Variants in LRRC71 observed in about 807,000 individuals in gnomAD.
LRRC71 encodes the protein leucine rich repeat containing 71, also known as leucine-rich repeat-containing protein 71.
A neutral mutation model predicts 66.6 loss-of-function variants in LRRC71; 54 were observed. The observed-to-expected ratio is 0.81, with a 90% CI of 0.65 to 1.02. LRRC71 has a LOEUF of 1.02. Among genes scored for constraint, LRRC71 ranks in the 50% least tolerant of loss-of-function variants. The pLI is 0.00. For missense variants in LRRC71, 724 were observed against 718.0 expected (o/e 1.01, Z -0.10); for synonymous variants, 323 against 303.9 (o/e 1.06, Z -0.65).
chr1:156,924,357 C>A, intron 2 of LRRC71, 67 bp from the exon 3 acceptor site: 1 of 1,517,942 alleles, frequency 6.6e-7, no homozygotes, highest in Non-Finnish European at 8.8e-7. Flanking sequence ...CCCGGGCACC[C>A]GTGGGCCGGC....
chr1:156,931,435 T>C (rs1197028423), intron 12 of LRRC71, among the ~76,000 whole-genome samples: 2 of 152,240 alleles, frequency 1.3e-5, no homozygotes, highest in Non-Finnish European at 2.9e-5. Context: ...CTGATTGTAC[T>C]AGGACTACTG....
rs868131951 is a variant in LRRC71, at chr1:156,932,955, G to A, written c.1666G>A (p.Ala556Thr). Residue 556 changes from alanine (A) to threonine (T), a missense_variant, in exon 15 of 15, where the codon GCA (alanine) becomes ACA (threonine). Coordinates refer to ENST00000337428, the MANE Select transcript of LRRC71 (RefSeq NM_144702.3). ...KAKLREDEAMAFFP is the reference protein window; with the variant it reads ...KAKLREDEAMTFFP ...CAAACTCAGGGAGGATGAGGCCATG[G>A]CATTCTTCCCCTAGCCCCCTCCCAC... is the stretch of plus-strand genomic sequence containing the variant. 3.2e-6 allele frequency: 5 copies of A among 1,573,638 alleles called. No homozygotes were observed. Among genetic ancestry groups the A allele is most frequent in the Non-Finnish European group, 4.3e-6 (5 of 1,159,058 alleles).
At chr1:156,931,421 G>C (rs145437953) in intron 12 of LRRC71, among the ~76,000 whole-genome samples, 1 of 152,266 alleles carries the variant, frequency 6.6e-6, no homozygotes, top group African/African-American at 2.4e-5. Context: ...TCTTGATCAG[G>C]CTGCTGATTG....
intron 9 of LRRC71, among the ~76,000 whole-genome samples, chr1:156,928,363 C>CTCTTCTTCTTCCTCTTCTTCTTCTTCT (rs1653598560): frequency 2.0e-5 from 2 of 98,784 alleles, no homozygotes; most frequent in Admixed American, 1.1e-4. Context: ...CTTCTTCTTC[C>CTCTTCTTCTTCCTCTTCTTCTTCTTCT]TCTTCTTCTT....
the LRRC71 span, among the ~76,000 whole-genome samples, chr1:156,940,939 A>G: frequency 2.6e-5 from 4 of 152,196 alleles, no homozygotes; most frequent in Non-Finnish European, 5.9e-5. Flanking sequence ...CTCAATGAGA[A>G]TGCTGTCCCC....
At chr1:156,924,795 G>A in intron 4 of LRRC71, 77 bp downstream of exon 4, 2 of 1,521,940 alleles carry the variant, frequency 1.3e-6, no homozygotes, top group Non-Finnish European at 1.8e-6. Flanking sequence ...AGAGAACCAA[G>A]GGGCATGGGA....
intron 1 of LRRC71, among the ~76,000 whole-genome samples, chr1:156,921,350 T>C (rs1211554340): frequency 6.6e-6 from 1 of 152,138 alleles, no homozygotes; most frequent in Non-Finnish European, 1.5e-5. Context: ...CCTGCCCCCA[T>C]GGGGTTTACA....
intron 1 of LRRC71, 62 bp from the exon 2 acceptor site, chr1:156,923,887 A>C (rs1188282819): frequency 4.3e-6 from 6 of 1,407,266 alleles, no homozygotes; most frequent in Admixed American, 3.3e-5. Context: ...CCCGCGCGGG[A>C]GAGCTTGGGG....
At chr1:156,924,136 C>G in intron 2 of LRRC71, 38 bp downstream of exon 2, 1 of 1,544,100 alleles carries the variant, frequency 6.5e-7, no homozygotes, top group Non-Finnish European at 8.7e-7. Flanking sequence ...CTGCCAGGGC[C>G]GCCTAGTCCA....
the LRRC71 span, among the ~76,000 whole-genome samples, chr1:156,940,983 G>A: frequency 9.2e-5 from 14 of 152,260 alleles, no homozygotes; most frequent in African/African-American, 3.4e-4. Context: ...TGCATCTTAA[G>A]CCCTTTGAGC....
In LRRC71 at chr1:156,927,659, A is replaced by G; in HGVS notation, c.822+4A>G. 1.2e-6 allele frequency: 2 copies of G among 1,607,122 alleles called. No individual in the cohort carries two copies. The highest frequency in any genetic ancestry group is 2.2e-5 in the South Asian group (2 of 90,716). ...GGGCGCAGGCTACATCGCGGACGTGAGTGCACGGCGGGGAGGGACCTGCTG... is the reference window on the plus strand; with the variant it reads ...GGGCGCAGGCTACATCGCGGACGTGGGTGCACGGCGGGGAGGGACCTGCTG... On this transcript the variant is annotated splice_donor_region_variant and intron_variant, in intron 7 of 14. Coordinates refer to ENST00000337428, the MANE Select transcript of LRRC71 (RefSeq NM_144702.3).
At chr1:156,929,518 C>T in intron 10 of LRRC71, 89 bp downstream of exon 10, 1 of 1,577,694 alleles carries the variant, frequency 6.3e-7, no homozygotes, top group South Asian at 1.2e-5. Flanking sequence ...GGAAGAAGGC[C>T]ACATGGGCCT....
rs1386243032 is a variant in LRRC71 at position 156,924,682 on chromosome 1, A to G, written c.479A>G (p.Lys160Arg). The change falls in exon 4 of 15, where the codon AAA becomes AGA. Residue 160 changes from lysine to arginine, a missense_variant. By Grantham distance (26) the Lys-to-Arg change is conservative. Coordinates refer to ENST00000337428, the MANE Select transcript of LRRC71 (RefSeq NM_144702.3). Reference protein sequence around the residue: ...VEERILGVFSKCLPPLTQLQA... With the variant: ...VEERILGVFSRCLPPLTQLQA... The stretch of plus-strand genomic sequence containing the variant: ...GAACGGATTCTGGGTGTCTTCTCTA[A>G]ATGTCTGCCCCCGCTTACCCAGCTA... The G allele has an allele frequency of 1.9e-6, 3 of 1,551,588 alleles. No homozygotes were observed. The highest frequency in any genetic ancestry group is 2.6e-6 in the Non-Finnish European group (3 of 1,146,976).
At chr1:156,923,025 C>G (rs746632397) in intron 1 of LRRC71, among the ~76,000 whole-genome samples, 3 of 152,170 alleles carry the variant, frequency 2.0e-5, no homozygotes, top group Non-Finnish European at 4.4e-5. Context: ...CCTGGGTTAC[C>G]ACTGATGGCC....
chr1:156,936,185 A>C, downstream of LRRC71: 1 of 984,654 alleles, frequency 1.0e-6, no homozygotes, highest in Middle Eastern at 2.0e-4. Flanking sequence ...CAGAAACCCC[A>C]GTTTCTCGTA....
intron 11 of LRRC71, among the ~76,000 whole-genome samples, chr1:156,930,077 T>TTTTTCTTTC (rs764163242): frequency 2.7e-5 from 1 of 36,742 alleles, no homozygotes; most frequent in African/African-American, 2.0e-4. Context: ...TCTTTCTTTC[T>TTTTTCTTTC]TTTCTTTCTT....
chr1:156,939,403 G>A, the LRRC71 span: 70 of 1,116,270 alleles, frequency 6.3e-5, no homozygotes, highest in Non-Finnish European at 8.4e-5. Flanking sequence ...TGATATCGGC[G>A]TTGTCTCCTT....
chr1:156,931,993 T>G lies in LRRC71; in HGVS notation c.1407T>G (p.Pro469=). 6.2e-7 allele frequency: 1 copy of G among 1,600,380 alleles called. No individual in the cohort carries two copies. Among genetic ancestry groups the G allele is most frequent in the African/African-American group, 1.3e-5 (1 of 74,784 alleles). ...ACCGAGATGGGAAAGTTTTCATGCC[T>G]GGGAACAAGGTCCTTTTGCACCTCA... ...VEHRDGKVFM[P]GNKVLLHLNL... The change falls in exon 13 of 15, where the codon CCT becomes CCG. Residue 469 remains proline, a synonymous_variant. Transcript: ENST00000337428.
Position 156,924,517 on chromosome 1 carries a change from A to C in LRRC71, c.404A>C (p.Glu135Ala). Residue 135 changes from glutamate to alanine, a missense_variant, in exon 3 of 15, where the codon GAG (glutamate) becomes GCG (alanine). Glu to Ala is a moderately radical substitution (Grantham distance 107). Coordinates refer to ENST00000337428, the MANE Select transcript of LRRC71 (RefSeq NM_144702.3). ...RPTIQVELEQ[E>A]DSKSVKEIYI... Reference sequence around the variant, plus strand: ...ACCATCCAGGTGGAGCTGGAGCAGGAGGACAGCAAGTCAGTGAAGGAAATC... The same window carrying C: ...ACCATCCAGGTGGAGCTGGAGCAGGCGGACAGCAAGTCAGTGAAGGAAATC... 1 of 1,551,480 alleles carries C rather than the reference A, an allele frequency of 6.4e-7. No homozygotes were observed. Among genetic ancestry groups the C allele is most frequent in the Non-Finnish European group, 8.7e-7 (1 of 1,146,984 alleles).
Sources: gnomAD v4.1 joint callset for allele counts (sites outside exome capture counted in the v4.1 genomes callset) on GRCh38, gnomAD v4.1.1 for gene constraint, MANE v1.5 for transcripts, NCBI Gene and HGNC (gene_info 2026-07-23, HGNC 2026-07-21) for gene names.